TENM1: variants seen among roughly 807,000 people sequenced by gnomAD.
The protein encoded by TENM1 is teneurin-1.
A neutral mutation model predicts 174.8 loss-of-function variants in TENM1; 35 were observed. That is an observed-to-expected ratio of 0.20 (90% CI 0.15 to 0.27). The LOEUF (loss-of-function observed/expected upper bound fraction) is 0.27, where lower values mean the gene tolerates loss of function less well. Among genes scored for constraint, TENM1 ranks in the 10% least tolerant of loss-of-function variants. The pLI is 1.00. For missense variants in TENM1, 1,633 were observed against 2,130.1 expected, an observed-to-expected ratio of 0.77 and a Z score of 4.59; for synonymous variants, 781 against 798.7, an observed-to-expected ratio of 0.98 and a Z score of 0.37.
At chrX:125,080,150 C>G in the TENM1 span, among the ~76,000 whole-genome samples, 3 of 110,796 alleles carry the variant, frequency 2.7e-5, no homozygotes, top group Non-Finnish European at 5.7e-5. Context: ...ATTCTCGATC[C>G]CACCTCCCTT....
the TENM1 span, among the ~76,000 whole-genome samples, chrX:125,177,545 T>C: frequency 2.7e-5 from 3 of 112,453 alleles, no homozygotes; most frequent in South Asian, 1.1e-3. Context: ...AAAAAAAGTA[T>C]ATATAGTGAT....
the TENM1 span, among the ~76,000 whole-genome samples, chrX:125,136,184 G>A: frequency 9.0e-6 from 1 of 111,011 alleles, no homozygotes; most frequent in Non-Finnish European, 1.9e-5. Flanking sequence ...ATGACAGCCT[G>A]GATTCAATTG....
At chrX:125,029,039 C>G in the TENM1 span, among the ~76,000 whole-genome samples, 3 of 111,426 alleles carry the variant, frequency 2.7e-5, no homozygotes, top group African/African-American at 9.8e-5. Flanking sequence ...ATATTTCATT[C>G]AATGTTACTG....
the TENM1 span, among the ~76,000 whole-genome samples, chrX:125,130,367 T>G: frequency 1.8e-5 from 2 of 110,950 alleles, no homozygotes; most frequent in Non-Finnish European, 3.8e-5. Flanking sequence ...AAAACTGAAA[T>G]TAAAGAGCAA....
chrX:124,760,950 G>A (rs773935678), intron 3 of TENM1, among the ~76,000 whole-genome samples: 22 of 111,884 alleles, frequency 2.0e-4, no homozygotes, highest in South Asian at 7.5e-4. Flanking sequence ...AAAAATGCTC[G>A]TCATCACTGG....
chrX:125,017,399 T>C, the TENM1 span, among the ~76,000 whole-genome samples: 8 of 111,385 alleles, frequency 7.2e-5, no homozygotes, highest in South Asian at 3.7e-4. Context: ...TATGGAGAAA[T>C]AGGAACGCTT....
At chrX:124,885,434 C>T (rs1462970009) in intron 3 of TENM1, among the ~76,000 whole-genome samples, 1 of 110,613 alleles carries the variant, frequency 9.0e-6, no homozygotes, top group Non-Finnish European at 1.9e-5. Flanking sequence ...TAGTGAAATA[C>T]TGGAAATGTT....
At chrX:124,991,393 G>A in the TENM1 span, among the ~76,000 whole-genome samples, 1 of 110,537 alleles carries the variant, frequency 9.0e-6, no homozygotes, top group Non-Finnish European at 1.9e-5. Flanking sequence ...CACAGATAAG[G>A]CCATGTACAC....
At chrX:124,397,286 A>G (rs1164555440) in intron 27 of TENM1, among the ~76,000 whole-genome samples, 2 of 112,257 alleles carry the variant, frequency 1.8e-5, no homozygotes, top group Non-Finnish European at 3.8e-5. Context: ...GAAAAATAAC[A>G]TTGTACTACG....
chrX:124,548,627 T>C (rs1017756810), intron 14 of TENM1, among the ~76,000 whole-genome samples: 8 of 111,801 alleles, frequency 7.2e-5, no homozygotes, highest in Admixed American at 1.9e-4. Flanking sequence ...CAAGGGTAAA[T>C]ATAAAGACAC....
At chrX:124,709,469 T>C (rs2052992399) in intron 4 of TENM1, among the ~76,000 whole-genome samples, 1 of 109,951 alleles carries the variant, frequency 9.1e-6, no homozygotes, top group African/African-American at 3.3e-5. Flanking sequence ...TTACATTCCT[T>C]TTCTGACTAA....
the TENM1 span, among the ~76,000 whole-genome samples, chrX:125,102,231 CT>C: frequency 0.19 from 18,270 of 94,573 alleles, 1,842 homozygotes; most frequent in African/African-American, 0.34. Context: ...AGGGCCACTC[CT>C]TTTTTTTTTT....
chrX:125,136,097 T>C, the TENM1 span, among the ~76,000 whole-genome samples: 4 of 111,917 alleles, frequency 3.6e-5, no homozygotes, highest in African/African-American at 1.3e-4. Flanking sequence ...TTTATTTTTA[T>C]GGTTATTCTT....
chrX:125,009,514 C>G, the TENM1 span, among the ~76,000 whole-genome samples: 2 of 111,444 alleles, frequency 1.8e-5, no homozygotes, highest in African/African-American at 3.3e-5. Context: ...AGGAGAGACA[C>G]CTCCCTAACT....
chrX:124,978,588 G>C, the TENM1 span, among the ~76,000 whole-genome samples: 4 of 111,829 alleles, frequency 3.6e-5, no homozygotes, highest in Non-Finnish European at 7.5e-5. Flanking sequence ...GTATGTAGCT[G>C]CTGATTTCCT....
At chrX:125,149,430 A>C in the TENM1 span, among the ~76,000 whole-genome samples, 3 of 111,913 alleles carry the variant, frequency 2.7e-5, no homozygotes, top group African/African-American at 9.7e-5. Context: ...CTTCTCTTCC[A>C]ATAGATTGTT....
intron 3 of TENM1, among the ~76,000 whole-genome samples, chrX:124,813,278 TAA>T (rs770596288): frequency 4.5e-5 from 5 of 111,670 alleles, no homozygotes; most frequent in Admixed American, 1.9e-4. Flanking sequence ...TGGGCAGGAT[TAA>T]AAAGTTTGAT....
At chrX:124,962,247 G>T (rs1197411354) in intron 1 of TENM1, among the ~76,000 whole-genome samples, 1 of 111,894 alleles carries the variant, frequency 8.9e-6, no homozygotes, top group Non-Finnish European at 1.9e-5. Context: ...CACTCAAATA[G>T]ATGTGATCAT....
At chrX:124,560,596 A>T (rs959037823) in intron 14 of TENM1, among the ~76,000 whole-genome samples, 16 of 110,905 alleles carry the variant, frequency 1.4e-4, no homozygotes, top group Non-Finnish European at 2.5e-4. Context: ...AATTTTGATA[A>T]GGTCTTAAAA....
Sources: allele counts gnomAD v4.1 joint callset (sites outside exome capture counted in the v4.1 genomes callset), GRCh38; gene constraint gnomAD v4.1.1; transcripts MANE v1.5; gene names NCBI Gene and HGNC (gene_info 2026-07-23, HGNC 2026-07-21).